NFATC2IP: variants seen among roughly 807,000 people sequenced by gnomAD.
NFATC2IP encodes the protein nuclear factor of activated T cells 2 interacting protein, also known as NFATC2-interacting protein.
In NFATC2IP, 25 loss-of-function variants were observed where a neutral mutation model predicts 40.2. The ratio of observed to expected loss-of-function variants is 0.62; its 90% confidence interval spans 0.45 to 0.87. NFATC2IP has a LOEUF of 0.87. Ranked by LOEUF, NFATC2IP falls within the 40% of genes least tolerant of loss-of-function variation. The pLI, the probability that NFATC2IP is intolerant of heterozygous loss-of-function variation, is 0.00. For synonymous variants in NFATC2IP, 241 were observed against 236.3 expected (o/e 1.02, Z -0.18); for missense variants, 553 against 555.6 (o/e 1.00, Z 0.05).
chr16:28,951,029 G>A lies in NFATC2IP; in HGVS notation c.18G>A (p.Gly6=). MAEPV[G]KRGRWSGGSG... ...AGTGTGCCATGGCGGAGCCTGTGGG[G>A]AAGCGGGGCCGCTGGTCCGGAGGTA... Residue 6 remains glycine, a synonymous_variant, in exon 1 of 8, where the codon GGG becomes GGA. Coordinates refer to ENST00000320805, the MANE Select transcript of NFATC2IP (RefSeq NM_032815.4). 1 of 1,526,632 alleles carries A rather than the reference G, an allele frequency of 6.6e-7. No homozygotes were observed. The highest frequency in any genetic ancestry group is 2.4e-5 in the East Asian group (1 of 41,900). The allele number at this position is 1,526,632 out of a possible 1,614,324, so 94.6% of individuals were successfully genotyped here.
intron 2 of NFATC2IP, among the ~76,000 whole-genome samples, chr16:28,952,990 C>A (rs1052258500): frequency 2.0e-5 from 3 of 151,850 alleles, no homozygotes; most frequent in Admixed American, 1.3e-4. Context: ...CCCATCTTAG[C>A]TTCCCAAATT....
At chr16:28,952,412 GC>G in intron 2 of NFATC2IP, 1 of 735,320 alleles carries the variant, frequency 1.4e-6, no homozygotes, top group South Asian at 2.0e-5. Flanking sequence ...CTGAAGAGAT[GC>G]TGATTCTGTA....
At position 28,951,238 on chromosome 16, in the gene NFATC2IP, C is replaced by G. The variant is rs747928090; in HGVS notation, c.227C>G (p.Pro76Arg). Residue 76 changes from proline to arginine, a missense_variant, in exon 1 of 8, where the codon CCG (proline) becomes CGG (arginine). Physicochemically the swap from Pro to Arg is moderately radical, Grantham distance 103. Coordinates refer to ENST00000320805, the MANE Select transcript of NFATC2IP (RefSeq NM_032815.4). ...GAADEVEVEP[P>R]EPPGPVASRD... is the part of the protein sequence containing the mutation. ...GCGGACGAGGTTGAGGTGGAGCCCC[C>G]GGAGCCCCCGGGGCCGGTCGCGTCC... The G allele has an allele frequency of 2.1e-5, 32 of 1,511,322 alleles. No individual in the cohort carries two copies. The East Asian group carries it at 7.7e-4, about 36-fold the overall frequency. The allele number at this position is 1,511,322 out of a possible 1,614,324, so 93.6% of individuals were successfully genotyped here.
intron 5 of NFATC2IP, 195 bp from the exon 6 acceptor site, chr16:28,958,522 A>G (rs1965046374): frequency 1.9e-6 from 1 of 534,056 alleles, no homozygotes; most frequent in African/African-American, 1.9e-5. Flanking sequence ...CATGGCTGCT[A>G]TATTTCTTTG....
Position 28,952,088 on chromosome 16 carries a change from G to A in NFATC2IP, c.388-44G>A, listed in dbSNP as rs1208600827. On this transcript the variant is annotated intron_variant, in intron 1 of 7. Coordinates refer to ENST00000320805, the MANE Select transcript of NFATC2IP (RefSeq NM_032815.4). Reference sequence around the variant, plus strand: ...ACCCCCAATTTTTTCTTTCGGTAGGGGAAGGACTTGGGCCTGACCCCTCTC... The same window carrying A: ...ACCCCCAATTTTTTCTTTCGGTAGGAGAAGGACTTGGGCCTGACCCCTCTC... 2.5e-6 allele frequency: 4 copies of A among 1,610,094 alleles called. No individual in the cohort carries two copies. In the East Asian group the frequency reaches 8.9e-5, roughly 36 times the overall value.
chr16:28,963,662 C>T lies in NFATC2IP; in HGVS notation c.1102-43C>T, dbSNP rs199846747. ...CGTCTATCCCTACGGGATCCCCGCC[C>T]CCTTTCATGTTCTGACGTCCATTTT... On this transcript the variant is annotated intron_variant, in intron 7 of 7. Transcript: ENST00000320805. 7.7e-5 allele frequency: 123 copies of T among 1,589,078 alleles called. 1 individual carries two copies. The East Asian group carries it at 1.7e-3, about 21-fold the overall frequency.
At chr16:28,952,911 T>C (rs1567512069) in intron 2 of NFATC2IP, among the ~76,000 whole-genome samples, 3 of 152,220 alleles carry the variant, frequency 2.0e-5, no homozygotes, top group East Asian at 3.9e-4. Context: ...ATTTTTTGTA[T>C]TTTTAATAGA....
In NFATC2IP at chr16:28,965,214, C is replaced by T. The variant is rs561513788; in HGVS notation, c.*1351C>T. 1 of 152,220 alleles carries T rather than the reference C, an allele frequency of 6.6e-6. No individual in the cohort carries two copies. The highest frequency in any genetic ancestry group is 2.1e-4 in the South Asian group (1 of 4,820). The allele number at this position is 152,220 out of a possible 1,614,324, so 9.4% of individuals were successfully genotyped here. On this transcript the variant is annotated 3_prime_UTR_variant, in exon 8 of 8. Coordinates refer to ENST00000320805, the MANE Select transcript of NFATC2IP (RefSeq NM_032815.4). The stretch of plus-strand genomic sequence containing the variant: ...CTGGTTTCCCTTCCTGTGCATTGCC[C>T]ATTTTCTCATGGAGTTTCTTATCTT...
Position 28,950,982 on chromosome 16 carries a change from G to T in NFATC2IP, c.-30G>T. The T allele has an allele frequency of 6.9e-7, 1 of 1,456,676 alleles. No individual in the cohort carries two copies. 90.2% of individuals were successfully genotyped at this position (1,456,676 alleles called of 1,614,324 possible). On this transcript the variant is annotated 5_prime_UTR_variant, in exon 1 of 8. Coordinates refer to ENST00000320805, the MANE Select transcript of NFATC2IP (RefSeq NM_032815.4). ...AGGGGGCGGGGCGAGGCGAGAGGAG[G>T]CGGGCGTGTGTTGTGGAGGAAAGTG...
chr16:28,959,204 A>G (rs1481359590), intron 7 of NFATC2IP, 104 bp downstream of exon 7: 2 of 714,252 alleles, frequency 2.8e-6, no homozygotes, highest in Non-Finnish European at 4.9e-6. Context: ...CTTGACTTGC[A>G]GGAGACACTG....
rs774195769 is a variant in NFATC2IP at position 28,963,691 on chromosome 16, T to G, written c.1102-14T>G. ...TTCATGTTCTGACGTCCATTTTCTTTTGTCTCCATCCAGGATTCCCCTCTA... is the reference window on the plus strand; with the variant it reads ...TTCATGTTCTGACGTCCATTTTCTTGTGTCTCCATCCAGGATTCCCCTCTA... On this transcript the variant is annotated splice_polypyrimidine_tract_variant and intron_variant, in intron 7 of 7. Coordinates refer to ENST00000320805, the MANE Select transcript of NFATC2IP (RefSeq NM_032815.4). 2 of 1,613,008 alleles carry G rather than the reference T, an allele frequency of 1.2e-6. No homozygotes were observed. The highest frequency in any genetic ancestry group is 3.3e-5 in the Admixed American group (2 of 59,900).
rs2141651505 is a variant in NFATC2IP at position 28,965,660 on chromosome 16, T to C, written c.*1797T>C. ...GTGAGCCAAGGTTCCACCACTGCAC[T>C]CCAGCCTGGCGACAGAGCAAGGCTC... On this transcript the variant is annotated 3_prime_UTR_variant, in exon 8 of 8. Coordinates refer to ENST00000320805, the MANE Select transcript of NFATC2IP (RefSeq NM_032815.4). The C allele has an allele frequency of 6.6e-6, 1 of 150,378 alleles. No individual in the cohort carries two copies. Among genetic ancestry groups the C allele is most frequent in the South Asian group, 2.1e-4 (1 of 4,736 alleles). 9.3% of individuals were successfully genotyped at this position (150,378 alleles called of 1,614,324 possible). A position where few individuals can be genotyped will look rare whatever the true frequency, so the allele number is the denominator to read the frequency against.
intron 7 of NFATC2IP, among the ~76,000 whole-genome samples, chr16:28,963,079 G>A (rs932237968): frequency 6.6e-6 from 1 of 152,232 alleles, no homozygotes; most frequent in African/African-American, 2.4e-5. Flanking sequence ...CTACTCAGGA[G>A]GCTGAGGCAG....
chr16:28,963,478 A>G lies in NFATC2IP; in HGVS notation c.1102-227A>G, dbSNP rs539023847. ...CTTGGGCTCGTGGCCCCCGTCCTCT[A>G]CCTGAGCAACTTGGAGCCCAGAGGG... On this transcript the variant is annotated intron_variant, in intron 7 of 7. Transcript: ENST00000320805. Among the ~76,000 whole-genome samples the G allele has an allele frequency of 1.7e-3, 263 of 152,240 alleles. 2 individuals carry two copies. Among genetic ancestry groups the G allele is most frequent in the African/African-American group, 5.8e-3 (242 of 41,540 alleles).
At chr16:28,958,192 G>A (rs1965042582) in intron 5 of NFATC2IP, among the ~76,000 whole-genome samples, 1 of 151,866 alleles carries the variant, frequency 6.6e-6, no homozygotes, top group African/African-American at 2.4e-5. Context: ...GCTCACACCT[G>A]TTATCCCTGT....
At chr16:28,958,213 G>A (rs1965042827) in intron 5 of NFATC2IP, among the ~76,000 whole-genome samples, 1 of 152,048 alleles carries the variant, frequency 6.6e-6, no homozygotes, top group African/African-American at 2.4e-5. Context: ...AGTTTGGGAG[G>A]CCGAGGCAGG....
intron 5 of NFATC2IP, 131 bp downstream of exon 5, chr16:28,956,468 TTCTTTTCAG>T: frequency 9.2e-6 from 6 of 653,984 alleles, no homozygotes; most frequent in Non-Finnish European, 1.6e-5. Context: ...CTGCCCATCA[TTCTTTTCAG>T]TCTGTCCTGC....
intron 7 of NFATC2IP, among the ~76,000 whole-genome samples, chr16:28,961,493 C>T (rs1209253979): frequency 1.3e-5 from 2 of 152,126 alleles, no homozygotes; most frequent in East Asian, 1.9e-4. Context: ...TTTATTCTCT[C>T]ATTGTTCTGG....
Position 28,951,002 on chromosome 16 carries a change from A to G in NFATC2IP, c.-10A>G, listed in dbSNP as rs1964957152. 1 of 1,495,758 alleles carries G rather than the reference A, an allele frequency of 6.7e-7. No individual in the cohort carries two copies. Among genetic ancestry groups the G allele is most frequent in the Admixed American group, 2.3e-5 (1 of 43,664 alleles). The allele number at this position is 1,495,758 out of a possible 1,614,324, so 92.7% of individuals were successfully genotyped here. Reference sequence around the variant, plus strand: ...AGGAGGCGGGCGTGTGTTGTGGAGGAAAGTGTGCCATGGCGGAGCCTGTGG... The same window carrying G: ...AGGAGGCGGGCGTGTGTTGTGGAGGGAAGTGTGCCATGGCGGAGCCTGTGG... On this transcript the variant is annotated 5_prime_UTR_variant, in exon 1 of 8. Transcript: ENST00000320805.
Sources: allele counts gnomAD v4.1 joint callset (sites outside exome capture counted in the v4.1 genomes callset), GRCh38; gene constraint gnomAD v4.1.1; transcripts MANE v1.5; gene names NCBI Gene and HGNC (gene_info 2026-07-23, HGNC 2026-07-21).